The following DCDC1 variants were observed in gnomAD, a reference collection of about 807,000 sequenced individuals.
DCDC1 encodes doublecortin domain-containing protein 1.
In DCDC1, 200 loss-of-function variants were observed where a neutral mutation model predicts 178.3. That is an observed-to-expected ratio of 1.12 (90% CI 1.00 to 1.26). The LOEUF (loss-of-function observed/expected upper bound fraction) is 1.26, where lower values mean the gene tolerates loss of function less well. Ranked by LOEUF, DCDC1 falls within the 50% of genes most tolerant of loss-of-function variation. The probability of loss-of-function intolerance (pLI) is 0.00; values close to 1 mark genes in which losing one functional copy is unlikely to be tolerated. For missense variants in DCDC1, 1,983 were observed against 1,749.2 expected, an observed-to-expected ratio of 1.13 and a Z score of -2.38; for synonymous variants, 690 against 604.8, an observed-to-expected ratio of 1.14 and a Z score of -2.07.
At chr11:31,142,777 G>C (rs139511527) in intron 9 of DCDC1, among the ~76,000 whole-genome samples, 121 of 152,246 alleles carry the variant, frequency 7.9e-4, no homozygotes, top group Non-Finnish European at 1.2e-3. Flanking sequence ...TAAGGACTAT[G>C]AAGAAGCACA....
At chr11:31,173,938 C>T (rs1967621278) in intron 9 of DCDC1, among the ~76,000 whole-genome samples, 1 of 152,148 alleles carries the variant, frequency 6.6e-6, no homozygotes, top group East Asian at 1.9e-4. Context: ...TGCCATGATG[C>T]TAGCTGCAGT....
intron 18 of DCDC1, among the ~76,000 whole-genome samples, chr11:31,070,027 CAGAGCTATT>C (rs1956458593): frequency 6.6e-6 from 1 of 152,136 alleles, no homozygotes; most frequent in Non-Finnish European, 1.5e-5. Context: ...ACAAAGTGAC[CAGAGCTATT>C]ATTCATCCTC....
At chr11:31,212,192 A>T (rs1209147074) in intron 9 of DCDC1, among the ~76,000 whole-genome samples, 1 of 152,142 alleles carries the variant, frequency 6.6e-6, no homozygotes, top group Non-Finnish European at 1.5e-5. Context: ...TTAAACTCCC[A>T]ACACAATTGC....
At chr11:31,096,698 TAA>T (rs543052944) in intron 15 of DCDC1, among the ~76,000 whole-genome samples, 2 of 143,852 alleles carry the variant, frequency 1.4e-5, no homozygotes, top group Middle Eastern at 3.6e-3. Flanking sequence ...ATTGTGTTAT[TAA>T]AAAAAAAAAA....
At chr11:30,948,713 C>A (rs1948218731) in intron 21 of DCDC1, among the ~76,000 whole-genome samples, 1 of 152,086 alleles carries the variant, frequency 6.6e-6, no homozygotes, top group Non-Finnish European at 1.5e-5. Flanking sequence ...CATCTAAAAC[C>A]ATCTGATCTT....
intron 21 of DCDC1, among the ~76,000 whole-genome samples, chr11:30,935,516 C>T (rs1008932348): frequency 1.6e-4 from 25 of 152,120 alleles, no homozygotes; most frequent in Non-Finnish European, 2.8e-4. Flanking sequence ...GCCATATTAA[C>T]TTCCAGAAAT....
At chr11:31,209,967 C>G (rs557116589) in intron 9 of DCDC1, among the ~76,000 whole-genome samples, 20 of 152,276 alleles carry the variant, frequency 1.3e-4, no homozygotes, top group African/African-American at 4.8e-4. Flanking sequence ...GTTGGCCTTG[C>G]AACAACTAGA....
intron 10 of DCDC1, among the ~76,000 whole-genome samples, chr11:31,130,484 G>C (rs923282448): frequency 6.6e-6 from 1 of 152,030 alleles, no homozygotes. Context: ...AATAGAAACT[G>C]CTCCTTCAAG....
At chr11:30,898,282 C>T (rs779573462) in intron 34 of DCDC1, among the ~76,000 whole-genome samples, 3 of 152,092 alleles carry the variant, frequency 2.0e-5, no homozygotes, top group Non-Finnish European at 2.9e-5. Context: ...CAGAATGTCA[C>T]CATTATTTCT....
At chr11:31,029,745 CT>C (rs1330747641) in intron 20 of DCDC1, among the ~76,000 whole-genome samples, 3 of 152,078 alleles carry the variant, frequency 2.0e-5, no homozygotes, top group Middle Eastern at 3.4e-3. Context: ...TTGAGCTTTG[CT>C]TTTTTCTCGA....
chr11:30,868,011 G>A (rs1941159951), intron 38 of DCDC1, among the ~76,000 whole-genome samples: 1 of 152,010 alleles, frequency 6.6e-6, no homozygotes, highest in South Asian at 2.1e-4. Context: ...TTAGTGTCCT[G>A]AATACCCACA....
At position 31,184,837 on chromosome 11, in the gene DCDC1, A is replaced by T. The variant is rs1969274325; in HGVS notation, c.1222-47053T>A. Reference sequence around the variant, plus strand: ...GCTGGTGGGAGTGTAAATTAGTTCAACCATTGTGGAAGACAGATCCTCAAG... The same window carrying T: ...GCTGGTGGGAGTGTAAATTAGTTCATCCATTGTGGAAGACAGATCCTCAAG... On this transcript the variant is annotated intron_variant, in intron 9 of 38. Coordinates refer to ENST00000684477, the MANE Select transcript of DCDC1 (RefSeq NM_001387274.1). Among the ~76,000 whole-genome samples the T allele has an allele frequency of 2.0e-5, 3 of 152,224 alleles. No homozygotes were observed. The South Asian group carries it at 6.2e-4, about 32-fold the overall frequency.
At chr11:30,926,156 G>A (rs1015672913) in intron 22 of DCDC1, among the ~76,000 whole-genome samples, 1 of 152,184 alleles carries the variant, frequency 6.6e-6, no homozygotes, top group Non-Finnish European at 1.5e-5. Context: ...TGAGAACAGA[G>A]GGGAAAACAA....
intron 1 of DCDC1, among the ~76,000 whole-genome samples, chr11:31,343,517 G>A (rs1483167063): frequency 6.6e-6 from 1 of 152,068 alleles, no homozygotes; most frequent in African/African-American, 2.4e-5. Flanking sequence ...ATGTTGGTCA[G>A]GCTGGTCTCA....
At chr11:31,250,423 T>TATAC (rs1441102478) in intron 8 of DCDC1, among the ~76,000 whole-genome samples, 5 of 95,886 alleles carry the variant, frequency 5.2e-5, no homozygotes, top group African/African-American at 1.4e-4. Context: ...CACATATACA[T>TATAC]ATATATGTAT....
chr11:31,353,188 C>T (rs1266650692), intron 1 of DCDC1, among the ~76,000 whole-genome samples: 3 of 152,178 alleles, frequency 2.0e-5, no homozygotes, highest in Non-Finnish European at 4.4e-5. Flanking sequence ...TTCACAATCT[C>T]GGCAAGGTCT....
At chr11:31,017,908 C>T (rs1040379453) in intron 20 of DCDC1, among the ~76,000 whole-genome samples, 15 of 152,168 alleles carry the variant, frequency 9.9e-5, no homozygotes, top group Admixed American at 5.2e-4. Context: ...AAATTATTAT[C>T]ATTAAAATGT....
intron 28 of DCDC1, 21 bp from the exon 29 acceptor site, chr11:30,909,137 T>C (rs1945272734): frequency 6.3e-7 from 1 of 1,591,814 alleles, no homozygotes; most frequent in Non-Finnish European, 8.6e-7. Flanking sequence ...AGGCAAAATA[T>C]GGAGTCAAGT....
At chr11:31,091,954 G>C (rs550466395) in intron 16 of DCDC1, among the ~76,000 whole-genome samples, 11 of 152,064 alleles carry the variant, frequency 7.2e-5, no homozygotes, top group Non-Finnish European at 1.6e-4. Flanking sequence ...TAAATATCAT[G>C]GGTTAAACAT....
Sources: allele counts gnomAD v4.1 joint callset (sites outside exome capture counted in the v4.1 genomes callset), GRCh38; gene constraint gnomAD v4.1.1; transcripts MANE v1.5; gene names NCBI Gene and HGNC (gene_info 2026-07-23, HGNC 2026-07-21).